UNC80: variants seen among roughly 807,000 people sequenced by gnomAD.
UNC80 encodes the protein unc-80 subunit of NALCN channel complex, also known as protein unc-80 homolog.
A neutral mutation model predicts 384.6 loss-of-function variants in UNC80; 164 were observed. The observed-to-expected ratio is 0.43, with a 90% confidence interval of 0.38 to 0.49. The LOEUF (loss-of-function observed/expected upper bound fraction) is 0.49. Ranked by LOEUF, UNC80 falls within the 20% of genes least tolerant of loss-of-function variation. The pLI is 0.00. For missense variants in UNC80, 3,330 were observed against 4,143.0 expected, an observed-to-expected ratio of 0.80 and a Z score of 5.39; for synonymous variants, 1,486 against 1,527.8, an observed-to-expected ratio of 0.97 and a Z score of 0.64.
rs2124960331 is a variant in UNC80 at position 209,926,938 on chromosome 2, A to G, written c.5758A>G (p.Ile1920Val). The change falls in exon 36 of 65, where the codon ATT becomes GTT. Residue 1920 changes from isoleucine to valine, a missense_variant. Physicochemically the swap from Ile to Val is conservative, Grantham distance 29. Coordinates refer to ENST00000673920, the MANE Select transcript of UNC80 (RefSeq NM_001371986.1). ...PACICAAVLP[I>V]VHLMEDGEVR... ...ATGCATCTGTGCAGCAGTACTTCCC[A>G]TTGTTCATCTGATGGAGGATGGTGA... is the stretch of plus-strand genomic sequence containing the variant. The G allele has an allele frequency of 3.2e-6, 5 of 1,552,100 alleles. No individual in the cohort carries two copies. The highest frequency in any genetic ancestry group is 4.4e-6 in the Non-Finnish European group (5 of 1,147,044).
Position 209,815,355 on chromosome 2 carries a change from T to A in UNC80, c.1299T>A (p.Asp433Glu). ...LTNLRRSAVP[D>E]LSSDLGMNIF... is the part of the protein sequence containing the mutation. ...ATCTGCGTAGATCTGCAGTCCCAGA[T>A]CTTTCTTCAGACCTGGGCATGAATA... Residue 433 changes from aspartate (D) to glutamate (E), a missense_variant, in exon 9 of 65, where the codon GAT becomes GAA. Coordinates refer to ENST00000673920, the MANE Select transcript of UNC80 (RefSeq NM_001371986.1). 1 of 1,551,688 alleles carries A rather than the reference T, an allele frequency of 6.4e-7. No individual in the cohort carries two copies. The highest frequency in any genetic ancestry group is 8.7e-7 in the Non-Finnish European group (1 of 1,146,970).
At chr2:209,956,033 C>T (rs2092403246) in intron 48 of UNC80, among the ~76,000 whole-genome samples, 1 of 151,834 alleles carries the variant, frequency 6.6e-6, no homozygotes, top group Non-Finnish European at 1.5e-5. Flanking sequence ...TGTAAGCCAC[C>T]ATACTCAGCC....
chr2:209,904,689 C>A, intron 28 of UNC80, 76 bp from the exon 29 acceptor site: 1 of 1,302,748 alleles, frequency 7.7e-7, no homozygotes, highest in Non-Finnish European at 1.1e-6. Flanking sequence ...GACTTCCCAT[C>A]TTCCACCCCA....
intron 34 of UNC80, 37 bp from the exon 35 acceptor site, chr2:209,922,215 T>C (rs376519051): frequency 2.8e-4 from 429 of 1,550,404 alleles, no homozygotes; most frequent in Non-Finnish European, 3.6e-4. Flanking sequence ...TCTTTTGTTA[T>C]AAAGCCAAAG....
At position 209,772,026 on chromosome 2, in the gene UNC80, A is replaced by G. The variant is rs745585262; in HGVS notation, c.-47A>G. The G allele has an allele frequency of 9.3e-6, 13 of 1,405,260 alleles. No homozygotes were observed. The highest frequency in any genetic ancestry group is 1.2e-5 in the Non-Finnish European group (12 of 1,016,868). The allele number at this position is 1,405,260 out of a possible 1,614,324, so 87.0% of individuals were successfully genotyped here. A position where few individuals can be genotyped will look rare whatever the true frequency, so the allele number is the denominator to read the frequency against. ...GAGGAGGCGGCGGCGGCGGCTAGCG[A>G]GGAGACAGAGCTGGGTCCTGCAGTA... On this transcript the variant is annotated 5_prime_UTR_variant, in exon 1 of 65. Coordinates refer to ENST00000673920, the MANE Select transcript of UNC80 (RefSeq NM_001371986.1).
At position 209,817,797 on chromosome 2, in the gene UNC80, T is replaced by A; in HGVS notation, c.1553-15T>A. On this transcript the variant is annotated splice_polypyrimidine_tract_variant and intron_variant, in intron 10 of 64. Coordinates refer to ENST00000673920, the MANE Select transcript of UNC80 (RefSeq NM_001371986.1). ...ATTTTAAAACCCTCTTGTGGGGTGC[T>A]CTTATTCATCCCAGGGAAATTGACC... 6.4e-7 allele frequency: 1 copy of A among 1,551,486 alleles called. No homozygotes were observed.
chr2:209,979,281 A>C (rs1258517588), intron 59 of UNC80, among the ~76,000 whole-genome samples: 2 of 148,944 alleles, frequency 1.3e-5, no homozygotes, highest in Admixed American at 1.3e-4. Flanking sequence ...AAACTCCTAA[A>C]TTTTCTTTAA....
chr2:209,873,041 T>C (rs962428032), intron 23 of UNC80, 71 bp downstream of exon 23: 291 of 1,401,560 alleles, frequency 2.1e-4, no homozygotes, highest in Admixed American at 2.2e-4. Flanking sequence ...TGATTGATTG[T>C]GTTTGTTTTG....
intron 47 of UNC80, among the ~76,000 whole-genome samples, chr2:209,950,163 G>A (rs71420780): frequency 0.027 from 4,041 of 152,202 alleles, 88 homozygotes; most frequent in Non-Finnish European, 0.042. Flanking sequence ...AAAATATTGA[G>A]TAGAATTTAT....
intron 61 of UNC80, among the ~76,000 whole-genome samples, chr2:209,989,818 A>G (rs1447539816): frequency 6.6e-6 from 1 of 152,214 alleles, no homozygotes; most frequent in African/African-American, 2.4e-5. Context: ...GACCCCAGAA[A>G]AAGAAACATG....
intron 35 of UNC80, among the ~76,000 whole-genome samples, chr2:209,925,367 C>T (rs989229887): frequency 1.5e-4 from 23 of 152,176 alleles, no homozygotes; most frequent in Admixed American, 1.3e-3. Flanking sequence ...AGAATGAAGC[C>T]GCGGACCTTC....
chr2:209,939,764 G>C (rs577528465), intron 43 of UNC80, 112 bp downstream of exon 43: 2 of 998,476 alleles, frequency 2.0e-6, no homozygotes, highest in Non-Finnish European at 2.8e-6. Flanking sequence ...TGTGCTCAAC[G>C]TGCAGGTTTG....
chr2:209,903,058 T>G (rs1042772266), intron 28 of UNC80, among the ~76,000 whole-genome samples: 2 of 151,840 alleles, frequency 1.3e-5, no homozygotes, highest in Non-Finnish European at 2.9e-5. Context: ...ATATAAACTA[T>G]GCACATCCTC....
intron 2 of UNC80, among the ~76,000 whole-genome samples, chr2:209,774,439 G>A (rs2076752950): frequency 6.6e-6 from 1 of 152,054 alleles, no homozygotes; most frequent in African/African-American, 2.4e-5. Context: ...TTTTAATGCA[G>A]TCACACAATA....
At chr2:209,876,862 A>G (rs2084829321) in intron 23 of UNC80, among the ~76,000 whole-genome samples, 1 of 152,064 alleles carries the variant, frequency 6.6e-6, no homozygotes, top group Middle Eastern at 3.2e-3. Context: ...GTTTAGGGAG[A>G]CCTTTCGGTT....
Position 209,994,370 on chromosome 2 carries a change from T to C in UNC80, c.9708+106T>C, listed in dbSNP as rs997271667. On this transcript the variant is annotated intron_variant, in intron 64 of 64. Coordinates refer to ENST00000673920, the MANE Select transcript of UNC80 (RefSeq NM_001371986.1). ...CATATAATTAAGTCCAGGTCTGCAA[T>C]GCTTTGTTATCCAAACAGATACTGC... 4.9e-6 allele frequency: 5 copies of C among 1,024,470 alleles called. No homozygotes were observed. The African/African-American group carries it at 8.3e-5, about 17-fold the overall frequency. 63.5% of individuals were successfully genotyped at this position (1,024,470 alleles called of 1,614,324 possible). A position where few individuals can be genotyped will look rare whatever the true frequency, so the allele number is the denominator to read the frequency against.
rs1429697592 is a variant in UNC80 at position 209,996,716 on chromosome 2, A to G, written c.*1121A>G. ...TTACTTCAAGAAAAGTGTAACACTT[A>G]GAAGGCTTGTGAGGCCAACACCTAG... On this transcript the variant is annotated 3_prime_UTR_variant, in exon 65 of 65. Coordinates refer to ENST00000673920, the MANE Select transcript of UNC80 (RefSeq NM_001371986.1). The G allele has an allele frequency of 6.6e-6, 1 of 152,240 alleles. No individual in the cohort carries two copies. Among genetic ancestry groups the G allele is most frequent in the East Asian group, 1.9e-4 (1 of 5,204 alleles). The allele number at this position is 152,240 out of a possible 1,614,324, so 9.4% of individuals were successfully genotyped here. A position where few individuals can be genotyped will look rare whatever the true frequency, so the allele number is the denominator to read the frequency against.
chr2:209,854,705 T>A (rs2082769022), intron 22 of UNC80, among the ~76,000 whole-genome samples: 1 of 152,076 alleles, frequency 6.6e-6, no homozygotes, highest in Non-Finnish European at 1.5e-5. Context: ...AAGCTCAACA[T>A]CATTGATCAT....
chr2:209,776,484 G>C (rs2076872337), intron 3 of UNC80, among the ~76,000 whole-genome samples: 1 of 152,242 alleles, frequency 6.6e-6, no homozygotes. Context: ...GAGAGGCTGA[G>C]GCAGGAGAAT....
Sources: gnomAD v4.1 joint callset for allele counts (sites outside exome capture counted in the v4.1 genomes callset) on GRCh38, gnomAD v4.1.1 for gene constraint, MANE v1.5 for transcripts, NCBI Gene and HGNC (gene_info 2026-07-23, HGNC 2026-07-21) for gene names.